Variants in PAK4 observed in about 807,000 individuals in gnomAD.
The protein encoded by PAK4 is serine/threonine-protein kinase PAK 4.
In PAK4, 49 loss-of-function variants were observed where a neutral mutation model predicts 53.5. The ratio of observed to expected loss-of-function variants is 0.92; its 90% CI spans 0.73 to 1.16. The LOEUF (loss-of-function observed/expected upper bound fraction) is 1.16, where lower values mean the gene tolerates loss of function less well. PAK4 is among the 50% of genes most tolerant of loss of function. The probability of loss-of-function intolerance (pLI) is 0.00; values close to 1 mark genes in which losing one functional copy is unlikely to be tolerated. For missense variants in PAK4, 824 were observed against 850.7 expected (o/e 0.97, Z 0.39); for synonymous variants, 376 against 375.6 (o/e 1.00, Z -0.01).
rs138812968 is a variant in PAK4, at chr19:39,159,297, C to T, written c.-22-10235C>T. Among the ~76,000 whole-genome samples the T allele has an allele frequency of 7.4e-3, 1,127 of 152,242 alleles. 21 individuals are homozygous for T. Among genetic ancestry groups the T allele is most frequent in the African/African-American group, 0.023 (956 of 41,528 alleles). On this transcript the variant is annotated intron_variant, in intron 1 of 8. Coordinates refer to ENST00000358301, the Ensembl canonical transcript of PAK4. The stretch of plus-strand genomic sequence containing the variant: ...CAGGCCCTGTCCTCGTGGGGCTGCC[C>T]GTTCATTGCAGGAGACATACTAATT...
intron 1 of PAK4, among the ~76,000 whole-genome samples, chr19:39,150,259 C>T (rs1257976499): frequency 6.6e-6 from 1 of 152,002 alleles, no homozygotes; most frequent in African/African-American, 2.4e-5. Context: ...CTTCCTCTCT[C>T]TTTTCTCTTT....
intron 1 of PAK4, among the ~76,000 whole-genome samples, chr19:39,130,511 C>G (rs1026013780): frequency 6.6e-6 from 1 of 151,998 alleles, no homozygotes; most frequent in Admixed American, 6.5e-5. Context: ...TGTAACAGGT[C>G]ATGGGTACGG....
chr19:39,172,941 T>C (rs536253564), exon 3 of PAK4: 1 of 1,540,748 alleles, frequency 6.5e-7, no homozygotes, highest in Admixed American at 2.0e-5. Flanking sequence ...GCAGCAAAGG[T>C]GCCAAAGATG....
At chr19:39,128,502 T>C (rs1230933564) in intron 1 of PAK4, among the ~76,000 whole-genome samples, 1 of 152,220 alleles carries the variant, frequency 6.6e-6, no homozygotes, top group East Asian at 1.9e-4. Context: ...TAAAGAAGGA[T>C]AGGGTTTGGG....
At position 39,177,811 on chromosome 19, in the gene PAK4, T is replaced by C. The variant is rs1225889023; in HGVS notation, c.1620+2T>C. 6.2e-7 allele frequency: 1 copy of C among 1,606,608 alleles called. No individual in the cohort carries two copies. The highest frequency in any genetic ancestry group is 1.3e-5 in the African/African-American group (1 of 74,660). ...CCCCGACTGAAGAACCTGCACAAGG[T>C]AGGCCCCTCCCTGGCTGGGAAACTG... On this transcript the variant is annotated splice_donor_variant, in intron 8 of 8. Transcript: ENST00000358301. LOFTEE classifies it high-confidence loss of function.
Position 39,173,457 on chromosome 19 carries a change from A to G in PAK4, c.663+81A>G. ...CCCCACCTTCCAGCCCCGCCCCACC[A>G]CCGTGCATCTCATCCTGACCACCCA... On this transcript the variant is annotated intron_variant, in intron 3 of 8. Coordinates refer to ENST00000358301, the Ensembl canonical transcript of PAK4. The surrounding 1 kb of genome is among the most constrained non-coding windows in gnomAD (Gnocchi z 6.9). 1 of 1,283,000 alleles carries G rather than the reference A, an allele frequency of 7.8e-7. No homozygotes were observed. Among genetic ancestry groups the G allele is most frequent in the Non-Finnish European group, 1.0e-6 (1 of 963,744 alleles). 79.5% of individuals were successfully genotyped at this position (1,283,000 alleles called of 1,614,324 possible).
intron 1 of PAK4, among the ~76,000 whole-genome samples, chr19:39,163,066 C>T (rs1042920983): frequency 3.3e-5 from 5 of 152,080 alleles, no homozygotes; most frequent in Non-Finnish European, 7.4e-5. Flanking sequence ...CCTGCTGTGC[C>T]GGGACGGGAA....
rs767574807 is a variant in PAK4, at chr19:39,178,610, C to A, written c.*31C>A. 1.9e-6 allele frequency: 3 copies of A among 1,540,902 alleles called. No homozygotes were observed. The highest frequency in any genetic ancestry group is 8.8e-7 in the Non-Finnish European group (1 of 1,137,380). The stretch of plus-strand genomic sequence containing the variant: ...AGCGCCCTTCCCCTCAACCAAAGAG[C>A]CCCCCGGGTCACCCCCGCCCCACTG... On this transcript the variant is annotated 3_prime_UTR_variant, in exon 9 of 9. Coordinates refer to ENST00000358301, the Ensembl canonical transcript of PAK4. This position sits in a 1 kb window ranked among gnomAD's most constrained non-coding sequence, Gnocchi z 4.4.
At chr19:39,177,993 CAG>C (rs1354036307) in intron 8 of PAK4, among the ~76,000 whole-genome samples, 184 bp downstream of exon 9, 1 of 152,094 alleles carries the variant, frequency 6.6e-6, no homozygotes, top group Admixed American at 6.5e-5. Context: ...GCCTGGGCGA[CAG>C]AGGCAGCAGA....
At position 39,161,027 on chromosome 19, in the gene PAK4, T is replaced by C. The variant is rs1436813637; in HGVS notation, c.-22-8505T>C. ...GATAGCCCTGGGCAGTGAGTTCCCC[T>C]CTCGGCCTCAGTTTCCTGGTTTGGG... On this transcript the variant is annotated intron_variant, in intron 1 of 8. Transcript: ENST00000358301. This position sits in a 1 kb window ranked among gnomAD's most constrained non-coding sequence, Gnocchi z 4.5. Among the ~76,000 whole-genome samples, 1 of 152,176 alleles carries C rather than the reference T, an allele frequency of 6.6e-6. No homozygotes were observed. The highest frequency in any genetic ancestry group is 1.5e-5 in the Non-Finnish European group (1 of 68,014).
At chr19:39,169,478 G>GGAGGAA in intron 1 of PAK4, 54 bp from the exon 3 acceptor site, 1 of 1,277,852 alleles carries the variant, frequency 7.8e-7, no homozygotes, top group Non-Finnish European at 1.1e-6. Flanking sequence ...CAGGGGCAGA[G>GGAGGAA]GAGGAAGAGA....
Position 39,173,437 on chromosome 19 carries a change from C to A in PAK4, c.663+61C>A. 1 of 1,388,946 alleles carries A rather than the reference C, an allele frequency of 7.2e-7. No homozygotes were observed. Among genetic ancestry groups the A allele is most frequent in the Non-Finnish European group, 9.7e-7 (1 of 1,035,806 alleles). 86.0% of individuals were successfully genotyped at this position (1,388,946 alleles called of 1,614,324 possible). The stretch of plus-strand genomic sequence containing the variant: ...CCTGCCCGTTGCTCCTCTGTCCCCA[C>A]CTTCCAGCCCCGCCCCACCACCGTG... On this transcript the variant is annotated intron_variant, in intron 3 of 8. Transcript: ENST00000358301. This position sits in a 1 kb window ranked among gnomAD's most constrained non-coding sequence, Gnocchi z 6.9.
intron 6 of PAK4, among the ~76,000 whole-genome samples, chr19:39,176,150 A>T (rs2074599981): frequency 1.3e-5 from 2 of 152,244 alleles, no homozygotes; most frequent in Admixed American, 6.5e-5. Flanking sequence ...AGAAGGTGTG[A>T]GAGGCCTGGT....
chr19:39,151,051 T>TG (rs1180594198), intron 1 of PAK4, among the ~76,000 whole-genome samples: 1 of 152,062 alleles, frequency 6.6e-6, no homozygotes, highest in Non-Finnish European at 1.5e-5. Flanking sequence ...AGCAGGTGGT[T>TG]GGGGGCGGAG....
Position 39,175,071 on chromosome 19 carries a change from C to A in PAK4, c.1232+7C>A. ...ACATCGTCACCCACACCAGGTATTT[C>A]TGGGGCCTCAGACCCCTCCTGTGAC... On this transcript the variant is annotated splice_region_variant and intron_variant, in intron 5 of 8. Coordinates refer to ENST00000358301, the Ensembl canonical transcript of PAK4. This position sits in a 1 kb window ranked among gnomAD's most constrained non-coding sequence, Gnocchi z 4.7. The A allele has an allele frequency of 1.2e-6, 2 of 1,603,314 alleles. No individual in the cohort carries two copies. Among genetic ancestry groups the A allele is most frequent in the Non-Finnish European group, 1.7e-6 (2 of 1,174,608 alleles).
chr19:39,181,727 C>T (rs1368064835), downstream of PAK4: 4 of 152,306 alleles, frequency 2.6e-5, no homozygotes, highest in Non-Finnish European at 4.4e-5. Flanking sequence ...AGAGGATCCA[C>T]TCTGCCCACA....
chr19:39,160,238 G>A (rs1009426419), intron 1 of PAK4, among the ~76,000 whole-genome samples: 1 of 152,220 alleles, frequency 6.6e-6, no homozygotes, highest in Non-Finnish European at 1.5e-5. Context: ...CCCCATCCCC[G>A]TGCCCTGCGC....
chr19:39,172,693 GGCA>G (rs2074505428), intron 2 of PAK4, among the ~76,000 whole-genome samples: 1 of 152,148 alleles, frequency 6.6e-6, no homozygotes, highest in African/African-American at 2.4e-5. Flanking sequence ...GAGCCCAGGG[GGCA>G]GCAGCCTGGC....
intron 1 of PAK4, among the ~76,000 whole-genome samples, chr19:39,162,821 G>A (rs992531540): frequency 4.6e-5 from 7 of 152,096 alleles, no homozygotes; most frequent in Non-Finnish European, 7.4e-5. Flanking sequence ...TGCGTGGGTC[G>A]ATGCGTGGGT....
Sources: gnomAD v4.1 joint callset for allele counts (sites outside exome capture counted in the v4.1 genomes callset) on GRCh38, gnomAD v4.1.1 for gene constraint, Gnocchi (gnomAD v3.1) non-coding constraint, MANE v1.5 for transcripts, NCBI Gene and HGNC (gene_info 2026-07-23, HGNC 2026-07-21) for gene names.